Variants in RBMS3 observed in about 807,000 individuals in gnomAD.
RBMS3 encodes RNA-binding motif, single-stranded-interacting protein 3.
In RBMS3, 27 loss-of-function variants were observed where a neutral mutation model predicts 66.8. That is an observed-to-expected ratio of 0.40 (90% CI 0.30 to 0.56). The LOEUF is 0.56. RBMS3 is among the 20% of genes least tolerant of loss of function. The pLI is 0.40. For missense variants in RBMS3, 513 were observed against 549.5 expected, an observed-to-expected ratio of 0.93 and a Z score of 0.66; for synonymous variants, 188 against 183.0, an observed-to-expected ratio of 1.03 and a Z score of -0.22.
At chr3:29,882,187 C>G (rs1162014188) in intron 7 of RBMS3, among the ~76,000 whole-genome samples, 1 of 152,100 alleles carries the variant, frequency 6.6e-6, no homozygotes, top group Non-Finnish European at 1.5e-5. Flanking sequence ...AAGTCCTAGA[C>G]AGCTCCATTC....
At chr3:29,812,808 C>T (rs1184347099) in intron 6 of RBMS3, among the ~76,000 whole-genome samples, 2 of 152,066 alleles carry the variant, frequency 1.3e-5, no homozygotes, top group Non-Finnish European at 2.9e-5. Context: ...ACGATGTCTC[C>T]TACTTCATGA....
chr3:29,878,618 C>G (rs528304736), intron 7 of RBMS3, among the ~76,000 whole-genome samples: 66 of 152,262 alleles, frequency 4.3e-4, no homozygotes, highest in African/African-American at 1.5e-3. Flanking sequence ...CTGAATCAGG[C>G]CTCTGACCTA....
chr3:29,507,497 GA>G (rs11309816), intron 3 of RBMS3, among the ~76,000 whole-genome samples: 64,312 of 150,560 alleles, frequency 0.43, 14,339 homozygotes, highest in African/African-American at 0.56. Context: ...TATTAATTGC[GA>G]AAAAAAAAGA....
intron 1 of RBMS3, among the ~76,000 whole-genome samples, chr3:29,363,376 C>G (rs924333174): frequency 1.3e-5 from 2 of 151,990 alleles, no homozygotes; most frequent in Non-Finnish European, 2.9e-5. Context: ...AATATGATAC[C>G]TACAGAGACT....
chr3:29,604,042 G>A (rs1418595466), intron 4 of RBMS3, among the ~76,000 whole-genome samples: 1 of 151,830 alleles, frequency 6.6e-6, no homozygotes, highest in East Asian at 1.9e-4. Context: ...TAATCATACT[G>A]CAATGCATTA....
intron 1 of RBMS3, among the ~76,000 whole-genome samples, chr3:29,333,835 T>C (rs966236511): frequency 6.6e-6 from 1 of 152,206 alleles, no homozygotes; most frequent in Non-Finnish European, 1.5e-5. Flanking sequence ...CAGTTCTTTA[T>C]AGGATACCCT....
chr3:29,864,010 G>A (rs559569393), intron 6 of RBMS3, among the ~76,000 whole-genome samples: 1 of 152,282 alleles, frequency 6.6e-6, no homozygotes, highest in African/African-American at 2.4e-5. Context: ...ATACGTAATT[G>A]TTTTAGGGAG....
chr3:29,434,151 G>T (rs182380188), intron 1 of RBMS3, among the ~76,000 whole-genome samples: 6 of 152,262 alleles, frequency 3.9e-5, no homozygotes, highest in Admixed American at 3.9e-4. Context: ...TTGCAAACAA[G>T]GAACATTCAA....
At chr3:29,332,892 T>G (rs1013965538) in intron 1 of RBMS3, among the ~76,000 whole-genome samples, 4 of 152,192 alleles carry the variant, frequency 2.6e-5, no homozygotes, top group African/African-American at 9.6e-5. Flanking sequence ...GAAATGAGAA[T>G]TCAAAGTATA....
At chr3:29,483,564 G>A (rs974103496) in intron 2 of RBMS3, among the ~76,000 whole-genome samples, 8 of 152,104 alleles carry the variant, frequency 5.3e-5, no homozygotes, top group South Asian at 4.1e-4. Context: ...CCTCCTAAGA[G>A]GTTCTGCTGC....
rs1184736070 is a variant in RBMS3, at chr3:30,006,267, A to G, written c.*2405A>G. 1 of 151,906 alleles carries G rather than the reference A, an allele frequency of 6.6e-6. No homozygotes were observed. The highest frequency in any genetic ancestry group is 1.5e-5 in the Non-Finnish European group (1 of 67,838). The allele number at this position is 151,906 out of a possible 1,614,324, so 9.4% of individuals were successfully genotyped here. A position where few individuals can be genotyped will look rare whatever the true frequency, so the allele number is the denominator to read the frequency against. ...ATATTCCCATTAGGTCAACATGAGT[A>G]ATAAGGTTGACTCATGTGAAATTGT... is the stretch of plus-strand genomic sequence containing the variant. On this transcript the variant is annotated 3_prime_UTR_variant, in exon 15 of 15. Transcript: ENST00000383767.
intron 3 of RBMS3, among the ~76,000 whole-genome samples, chr3:29,491,148 G>A (rs149008333): frequency 3.9e-5 from 6 of 152,248 alleles, no homozygotes; most frequent in African/African-American, 1.2e-4. Flanking sequence ...AAAAATGGGC[G>A]GTCAGGGTCT....
intron 3 of RBMS3, among the ~76,000 whole-genome samples, chr3:29,538,035 T>C (rs1559449829): frequency 6.6e-6 from 1 of 152,236 alleles, no homozygotes; most frequent in South Asian, 2.1e-4. Context: ...TCTTGGAAAG[T>C]AACCTGGGCC....
intron 1 of RBMS3, among the ~76,000 whole-genome samples, chr3:29,402,647 G>A (rs892150722): frequency 1.3e-5 from 2 of 151,966 alleles, no homozygotes; most frequent in Non-Finnish European, 1.5e-5. Flanking sequence ...AGTATAACTG[G>A]TCAAAGAGCT....
chr3:29,476,622 A>G (rs1197421442), intron 2 of RBMS3, among the ~76,000 whole-genome samples: 3 of 152,188 alleles, frequency 2.0e-5, no homozygotes, highest in Non-Finnish European at 4.4e-5. Context: ...GTATTGACAA[A>G]ATAGCTGTGG....
rs569697871 is a variant in RBMS3 at position 29,461,036 on chromosome 3, T to G, written c.248+26121T>G. The stretch of plus-strand genomic sequence containing the variant: ...TGCTCCAGTCCAAAGTTGATTTTCC[T>G]TAACAGAAAATGTCAATGCAAAATA... On this transcript the variant is annotated intron_variant, in intron 2 of 14. Coordinates refer to ENST00000383767, the MANE Select transcript of RBMS3 (RefSeq NM_001003793.3). 3.9e-5 allele frequency among the ~76,000 whole-genome samples: 6 copies of G among 152,360 alleles called. No homozygotes were observed. In the East Asian group the frequency reaches 1.2e-3, roughly 29 times the overall value.
intron 4 of RBMS3, among the ~76,000 whole-genome samples, chr3:29,602,138 G>C (rs2048166335): frequency 6.6e-6 from 1 of 151,942 alleles, no homozygotes; most frequent in Non-Finnish European, 1.5e-5. Context: ...ATAGAGTTTT[G>C]CCAGCATAAT....
intron 6 of RBMS3, among the ~76,000 whole-genome samples, chr3:29,848,810 T>A (rs2149515543): frequency 6.6e-6 from 1 of 152,322 alleles, no homozygotes; most frequent in South Asian, 2.1e-4. Context: ...TAAGAGGTTT[T>A]TTTTGTTGTT....
chr3:29,435,565 T>TA (rs2041367616), intron 2 of RBMS3, among the ~76,000 whole-genome samples: 1 of 152,240 alleles, frequency 6.6e-6, no homozygotes, highest in African/African-American at 2.4e-5. Flanking sequence ...TACCAACACT[T>TA]ATGTCATTAA....
Sources: allele counts gnomAD v4.1 joint callset (sites outside exome capture counted in the v4.1 genomes callset), GRCh38; gene constraint gnomAD v4.1.1; transcripts MANE v1.5; gene names NCBI Gene and HGNC (gene_info 2026-07-23, HGNC 2026-07-21).